KDM5A: variants seen among roughly 807,000 people sequenced by gnomAD.
The protein encoded by KDM5A is lysine-specific demethylase 5A.
A neutral mutation model predicts 193.5 loss-of-function variants in KDM5A; 42 were observed. That is an observed-to-expected ratio of 0.22 (90% CI 0.17 to 0.28). The LOEUF is 0.28. Among genes scored for constraint, KDM5A ranks in the 10% least tolerant of loss-of-function variants. KDM5A has a pLI of 1.00. For missense variants in KDM5A, 1,692 were observed against 2,055.1 expected, an observed-to-expected ratio of 0.82 and a Z score of 3.42; for synonymous variants, 796 against 718.1, an observed-to-expected ratio of 1.11 and a Z score of -1.73.
At chr12:298,207 A>G (rs1165521604) in intron 24 of KDM5A, among the ~76,000 whole-genome samples, 1 of 152,186 alleles carries the variant, frequency 6.6e-6, no homozygotes, top group Admixed American at 6.5e-5. Context: ...AAGCAACAGA[A>G]TGCCTCCTCA....
chr12:295,642 A>T lies in KDM5A; in HGVS notation c.4386T>A (p.Thr1462=), dbSNP rs114020985. The change falls in exon 26 of 28, where the codon ACT becomes ACA. Residue 1462 remains threonine, a synonymous_variant. Coordinates refer to ENST00000399788, the MANE Select transcript of KDM5A (RefSeq NM_001042603.3). Reference sequence around the variant, plus strand: ...CCTGCAAAATCCGCCATATGTGTTGAGTCTCGTCCAGAGATACTTCCAGGA... The same window carrying T: ...CCTGCAAAATCCGCCATATGTGTTGTGTCTCGTCCAGAGATACTTCCAGGA... ...GDLLEVSLDE[T]QHIWRILQAT... 1 of 1,614,130 alleles carries T rather than the reference A, an allele frequency of 6.2e-7. No homozygotes were observed. The highest frequency in any genetic ancestry group is 1.3e-5 in the African/African-American group (1 of 75,032).
chr12:365,629 G>A (rs1591934042), intron 4 of KDM5A, among the ~76,000 whole-genome samples: 1 of 152,034 alleles, frequency 6.6e-6, no homozygotes, highest in Non-Finnish European at 1.5e-5. Flanking sequence ...ACCCACAAAG[G>A]GTGAATTCTA....
chr12:360,929 A>G (rs1055314648), intron 5 of KDM5A, among the ~76,000 whole-genome samples: 2 of 152,228 alleles, frequency 1.3e-5, no homozygotes, highest in Admixed American at 1.3e-4. Context: ...AGAAAGGTAC[A>G]CTTTGCCCAC....
chr12:288,716 G>C (rs1447550762), intron 27 of KDM5A, among the ~76,000 whole-genome samples: 1 of 152,160 alleles, frequency 6.6e-6, no homozygotes, highest in African/African-American at 2.4e-5. Flanking sequence ...TTTGAAAAAG[G>C]AAAACAATTC....
chr12:388,802 G>A, intron 1 of KDM5A, 125 bp downstream of exon 1: 2 of 1,201,468 alleles, frequency 1.7e-6, no homozygotes, highest in East Asian at 4.7e-5. Context: ...TCCAGAAACA[G>A]GCTCCAGTTG....
intron 12 of KDM5A, chr12:333,104 C>A: frequency 3.8e-6 from 1 of 265,636 alleles, no homozygotes; most frequent in East Asian, 9.0e-5. Flanking sequence ...TCTATCTAAT[C>A]AAAAGCTAAA....
At chr12:370,597 G>A (rs1260412873) in intron 3 of KDM5A, among the ~76,000 whole-genome samples, 1 of 138,806 alleles carries the variant, frequency 7.2e-6, no homozygotes, top group Non-Finnish European at 1.6e-5. Context: ...GACCAAAACA[G>A]CTGGGAACAG....
In KDM5A at chr12:363,089, C is replaced by T. The variant is rs913576302; in HGVS notation, c.546G>A (p.Gln182=). The change falls in exon 5 of 28, where the codon CAG becomes CAA. Residue 182 remains glutamine (Q), a synonymous_variant. Transcript: ENST00000399788. ...TTTCTTTAAGATCTAAATTAGGCAT[C>T]TGCACACCCTAAAAGATCAGAGCAC... The part of the protein sequence containing the change: ...FQSGVSLMGV[Q]MPNLDLKEKV... 6.2e-7 allele frequency: 1 copy of T among 1,614,080 alleles called. No homozygotes were observed. The highest frequency in any genetic ancestry group is 1.7e-5 in the Admixed American group (1 of 60,012).
At chr12:310,079 G>A in intron 21 of KDM5A, 115 bp from the exon 22 acceptor site, 4 of 982,730 alleles carry the variant, frequency 4.1e-6, no homozygotes, top group Non-Finnish European at 6.1e-6. Context: ...CTTTCTTAAG[G>A]ACTTTATACA....
intron 3 of KDM5A, among the ~76,000 whole-genome samples, chr12:375,379 G>A (rs1944489450): frequency 6.6e-6 from 1 of 152,132 alleles, no homozygotes; most frequent in Non-Finnish European, 1.5e-5. Flanking sequence ...ACTGAAGCTT[G>A]TGCATTCATC....
intron 3 of KDM5A, among the ~76,000 whole-genome samples, chr12:371,608 A>G (rs1253731947): frequency 6.6e-6 from 1 of 152,122 alleles, no homozygotes; most frequent in Non-Finnish European, 1.5e-5. Flanking sequence ...TCTTTAGTTT[A>G]ATTAGATCCC....
intron 3 of KDM5A, among the ~76,000 whole-genome samples, chr12:368,074 A>T (rs1944380016): frequency 6.6e-6 from 1 of 152,214 alleles, no homozygotes; most frequent in South Asian, 2.1e-4. Context: ...GTATAATAAA[A>T]TACAATGGAA....
chr12:340,857 CATCTAATA>C (rs1251510483), intron 10 of KDM5A, among the ~76,000 whole-genome samples: 3 of 152,050 alleles, frequency 2.0e-5, no homozygotes, highest in Admixed American at 2.0e-4. Flanking sequence ...ATAGACCATC[CATCTAATA>C]ATCACTATCA....
At chr12:354,378 T>C (rs1335948289) in intron 7 of KDM5A, 144 bp from the exon 8 acceptor site, 2 of 647,714 alleles carry the variant, frequency 3.1e-6, no homozygotes, top group Non-Finnish European at 5.3e-6. Flanking sequence ...CAAGTAATTG[T>C]ATTTAAACAG....
At chr12:382,051 T>C (rs1944580047) in intron 3 of KDM5A, among the ~76,000 whole-genome samples, 1 of 152,138 alleles carries the variant, frequency 6.6e-6, no homozygotes, top group Non-Finnish European at 1.5e-5. Context: ...GTTCAAGCAA[T>C]CCTTCCACCT....
intron 3 of KDM5A, among the ~76,000 whole-genome samples, chr12:380,209 C>T (rs1944557520): frequency 6.7e-6 from 1 of 149,716 alleles, no homozygotes; most frequent in South Asian, 2.1e-4. Flanking sequence ...TGGGAGGTTG[C>T]AGTGAGCCGA....
intron 10 of KDM5A, among the ~76,000 whole-genome samples, chr12:341,819 G>T (rs1263204110): frequency 6.6e-6 from 1 of 151,616 alleles, no homozygotes; most frequent in Non-Finnish European, 1.5e-5. Flanking sequence ...AGAACTGCTT[G>T]AACCTGGGAG....
chr12:332,078 T>C, intron 12 of KDM5A, 140 bp from the exon 13 acceptor site: 5 of 769,134 alleles, frequency 6.5e-6, no homozygotes, highest in Middle Eastern at 7.3e-4. Context: ...TATCAGAAAA[T>C]GATATCAGAA....
intron 19 of KDM5A, among the ~76,000 whole-genome samples, chr12:314,863 A>G (rs1319187726): frequency 6.6e-6 from 1 of 152,238 alleles, no homozygotes; most frequent in Non-Finnish European, 1.5e-5. Context: ...ATAGAATACA[A>G]GAGGAAGAAT....
Sources: allele counts gnomAD v4.1 joint callset (sites outside exome capture counted in the v4.1 genomes callset), GRCh38; gene constraint gnomAD v4.1.1; transcripts MANE v1.5; gene names NCBI Gene and HGNC (gene_info 2026-07-23, HGNC 2026-07-21).